Variants in ZNF236 observed in about 807,000 individuals in gnomAD.
ZNF236 encodes zinc finger protein 236, also known as regulated by glucose.
A neutral mutation model predicts 191.2 loss-of-function variants in ZNF236; 50 were observed. The observed-to-expected ratio is 0.26, with a 90% confidence interval of 0.21 to 0.33. ZNF236 has a LOEUF of 0.33. ZNF236 is among the 10% of genes least tolerant of loss of function. The pLI, the probability that ZNF236 is intolerant of heterozygous loss-of-function variation, is 1.00. For missense variants in ZNF236, 1,754 were observed against 2,374.5 expected (o/e 0.74, Z 5.43); for synonymous variants, 907 against 928.8 (o/e 0.98, Z 0.43).
chr18:76,903,412 G>A (rs981787938), intron 11 of ZNF236, among the ~76,000 whole-genome samples: 8 of 152,222 alleles, frequency 5.3e-5, no homozygotes, highest in Non-Finnish European at 1.2e-4. Context: ...GGAGAAGTGG[G>A]CTTTAGGGGA....
At chr18:76,907,809 TGTTGCTGAAAGCAACATTTGGATC>T (rs1192490579) in intron 13 of ZNF236, among the ~76,000 whole-genome samples, 2 of 152,078 alleles carry the variant, frequency 1.3e-5, no homozygotes, top group Non-Finnish European at 2.9e-5. Flanking sequence ...TGTATGTAAA[TGTTGCTGAAAGCAACATTTGGATC>T]GTTGGTCCAA....
chr18:76,864,302 C>A (rs1384499755), intron 3 of ZNF236, among the ~76,000 whole-genome samples: 1 of 151,064 alleles, frequency 6.6e-6, no homozygotes, highest in African/African-American at 2.4e-5. Context: ...TGGATTCAAG[C>A]AATTCTTCTG....
chr18:76,901,533 C>T (rs572592346), intron 11 of ZNF236, among the ~76,000 whole-genome samples: 100 of 152,214 alleles, frequency 6.6e-4, no homozygotes, highest in African/African-American at 2.1e-3. Flanking sequence ...CCGAGGTGGG[C>T]GATCACTCAA....
chr18:76,906,453 C>G (rs1977742322), intron 13 of ZNF236, among the ~76,000 whole-genome samples: 1 of 152,156 alleles, frequency 6.6e-6, no homozygotes, highest in African/African-American at 2.4e-5. Flanking sequence ...GTTGAGGATG[C>G]TTGTGTTCCT....
chr18:76,906,092 AT>A (rs1016429009), intron 13 of ZNF236, among the ~76,000 whole-genome samples: 1 of 152,192 alleles, frequency 6.6e-6, no homozygotes, highest in Non-Finnish European at 1.5e-5. Flanking sequence ...GCCCTGGAAC[AT>A]TTGCTTTGAG....
Position 76,875,419 on chromosome 18 carries a change from T to A in ZNF236, c.668-73T>A. 1 of 1,379,238 alleles carries A rather than the reference T, an allele frequency of 7.3e-7. No individual in the cohort carries two copies. Among genetic ancestry groups the A allele is most frequent in the East Asian group, 2.6e-5 (1 of 38,126 alleles). 85.4% of individuals were successfully genotyped at this position (1,379,238 alleles called of 1,614,324 possible). Reference sequence around the variant, plus strand: ...GAGGGATAGGTTTGGGTAACTTCAGTGTTGTTCTTTTCAATCCGTAAGATG... The same window carrying A: ...GAGGGATAGGTTTGGGTAACTTCAGAGTTGTTCTTTTCAATCCGTAAGATG... On this transcript the variant is annotated intron_variant, in intron 5 of 30. Coordinates refer to ENST00000320610, the MANE Select transcript of ZNF236 (RefSeq NM_001306089.2). The surrounding 1 kb of genome is among the most constrained non-coding windows in gnomAD (Gnocchi z 4.3).
chr18:76,935,260 G>A lies in ZNF236; in HGVS notation c.4595-1896G>A, dbSNP rs1017778561. 1.6e-4 allele frequency among the ~76,000 whole-genome samples: 25 copies of A among 152,144 alleles called. 1 individual carries two copies. The highest frequency in any genetic ancestry group is 7.2e-4 in the Admixed American group (11 of 15,280). On this transcript the variant is annotated intron_variant, in intron 25 of 30. Transcript: ENST00000320610. ...TATTGAGGACAGTTCTACTGGAACC[G>A]GTATCATCCTCTTTGTGGAAAATCC...
intron 28 of ZNF236, among the ~76,000 whole-genome samples, chr18:76,956,802 C>T (rs1968535542): frequency 6.6e-6 from 1 of 152,198 alleles, no homozygotes; most frequent in African/African-American, 2.4e-5. Context: ...TGATATCCAG[C>T]CCAGGGCGCC....
chr18:76,905,292 C>T lies in ZNF236; in HGVS notation c.2174C>T (p.Thr725Ile). ...FKCLICNGAFTTGGSLRRHMG... is the reference protein window; with the variant it reads ...FKCLICNGAFITGGSLRRHMG... The stretch of plus-strand genomic sequence containing the variant: ...TGTCTGATATGTAATGGGGCTTTCA[C>T]TACTGGTGGCAGCTTACGGCGACAC... Residue 725 changes from threonine (T) to isoleucine (I), a missense_variant, in exon 13 of 31, where the codon ACT (threonine) becomes ATT (isoleucine). Transcript: ENST00000320610. The T allele has an allele frequency of 6.2e-7, 1 of 1,614,202 alleles. No individual in the cohort carries two copies. The highest frequency in any genetic ancestry group is 8.5e-7 in the Non-Finnish European group (1 of 1,180,052).
intron 26 of ZNF236, among the ~76,000 whole-genome samples, chr18:76,942,798 G>A (rs932036831): frequency 4.0e-5 from 6 of 150,284 alleles, no homozygotes; most frequent in Non-Finnish European, 8.9e-5. Context: ...ACAGGCATGA[G>A]CCACCACGCC....
intron 30 of ZNF236, among the ~76,000 whole-genome samples, chr18:76,964,613 T>A (rs1968732345): frequency 6.6e-6 from 1 of 152,220 alleles, no homozygotes; most frequent in South Asian, 2.1e-4. Flanking sequence ...CATTTTTTCT[T>A]TTTTGACTTT....
In ZNF236 at chr18:76,919,936, G is replaced by A. The variant is rs1199464308; in HGVS notation, c.3435G>A (p.Ala1145=). ...CAGAGAAGGTCCTGGTGCAGTCCGC[G>A]GCAGAAAAGGACCGCATCAGTGAGC... is the stretch of plus-strand genomic sequence containing the variant. ...TVSEKVLVQS[A]AEKDRISELR... The change falls in exon 20 of 31, where the codon GCG becomes GCA. Residue 1145 remains alanine (A), a synonymous_variant. Transcript: ENST00000320610. The surrounding 1 kb of genome is among the most constrained non-coding windows in gnomAD (Gnocchi z 5.3). 4 of 1,614,172 alleles carry A rather than the reference G, an allele frequency of 2.5e-6. No homozygotes were observed. The highest frequency in any genetic ancestry group is 3.3e-5 in the Admixed American group (2 of 60,032).
chr18:76,939,137 G>C (rs116227975), intron 26 of ZNF236, among the ~76,000 whole-genome samples: 1 of 152,000 alleles, frequency 6.6e-6, no homozygotes, highest in African/African-American at 2.4e-5. Flanking sequence ...GTTTGAGACC[G>C]GCCTGGCCAA....
At chr18:76,881,058 T>A (rs549977464) in intron 8 of ZNF236, among the ~76,000 whole-genome samples, 1 of 152,314 alleles carries the variant, frequency 6.6e-6, no homozygotes, top group Non-Finnish European at 1.5e-5. Context: ...AATTTAGAAA[T>A]GTAAATGCTT....
intron 25 of ZNF236, among the ~76,000 whole-genome samples, chr18:76,935,308 G>A (rs1056673138): frequency 1.3e-5 from 2 of 152,174 alleles, no homozygotes. Flanking sequence ...CATTATTAAA[G>A]GTTCACTGTT....
At chr18:76,851,668 T>C in intron 2 of ZNF236, 107 bp from the exon 3 acceptor site, 1 of 1,259,728 alleles carries the variant, frequency 7.9e-7, no homozygotes, top group Non-Finnish European at 1.1e-6. Context: ...CAGAAGTTTC[T>C]GTAGATTGTC....
chr18:76,924,265 T>C (rs920674357), intron 21 of ZNF236, among the ~76,000 whole-genome samples: 3 of 152,258 alleles, frequency 2.0e-5, no homozygotes, highest in Non-Finnish European at 4.4e-5. Flanking sequence ...CGGCCTCTCA[T>C]GCAGCAGGTG....
At chr18:76,942,679 C>A (rs992441697) in intron 26 of ZNF236, among the ~76,000 whole-genome samples, 1 of 150,410 alleles carries the variant, frequency 6.6e-6, no homozygotes, top group Non-Finnish European at 1.5e-5. Flanking sequence ...GCCCGGCTAC[C>A]TTTTTTGTTA....
chr18:76,922,963 C>G, intron 20 of ZNF236, 108 bp from the exon 21 acceptor site: 1 of 811,266 alleles, frequency 1.2e-6, no homozygotes, highest in Non-Finnish European at 2.0e-6. Flanking sequence ...TTTTTCTTGG[C>G]CAAACTTAAG....
Sources: allele counts gnomAD v4.1 joint callset (sites outside exome capture counted in the v4.1 genomes callset), GRCh38; gene constraint gnomAD v4.1.1; non-coding constraint Gnocchi (gnomAD v3.1); transcripts MANE v1.5; gene names NCBI Gene and HGNC (gene_info 2026-07-23, HGNC 2026-07-21).